The following CNTNAP2 variants were observed in gnomAD, a reference collection of about 807,000 sequenced individuals.
CNTNAP2 encodes the protein contactin-associated protein-like 2.
In CNTNAP2, 98 loss-of-function variants were observed where a neutral mutation model predicts 155.2. That is an observed-to-expected ratio of 0.63 (90% confidence interval 0.54 to 0.75). The LOEUF (loss-of-function observed/expected upper bound fraction) is 0.75, where lower values mean the gene tolerates loss of function less well. Ranked by LOEUF, CNTNAP2 falls within the 30% of genes least tolerant of loss-of-function variation. The pLI is 0.00. For missense variants in CNTNAP2, 1,727 were observed against 1,688.1 expected (o/e 1.02, Z -0.40); for synonymous variants, 651 against 631.2 (o/e 1.03, Z -0.47).
At chr7:146,929,729 C>T (rs528682288) in intron 3 of CNTNAP2, among the ~76,000 whole-genome samples, 14 of 152,060 alleles carry the variant, frequency 9.2e-5, no homozygotes, top group African/African-American at 3.1e-4. Context: ...ATAACCAATA[C>T]AGAGAAGTGC....
At chr7:146,771,527 T>C (rs528774630) in intron 1 of CNTNAP2, among the ~76,000 whole-genome samples, 1 of 152,228 alleles carries the variant, frequency 6.6e-6, no homozygotes, top group Non-Finnish European at 1.5e-5. Flanking sequence ...CTTTAGATGA[T>C]AGCTTTGTGA....
intron 21 of CNTNAP2, among the ~76,000 whole-genome samples, chr7:148,275,818 A>G (rs1796860978): frequency 6.6e-6 from 1 of 152,184 alleles, no homozygotes. Flanking sequence ...GCTATTGACC[A>G]AAATCTGGGT....
At chr7:147,073,696 G>A (rs996396499) in intron 4 of CNTNAP2, among the ~76,000 whole-genome samples, 3 of 152,188 alleles carry the variant, frequency 2.0e-5, no homozygotes, top group Non-Finnish European at 4.4e-5. Context: ...GATGTGACAA[G>A]AAAGCATGCC....
chr7:148,150,208 C>T (rs1805271152), intron 17 of CNTNAP2, among the ~76,000 whole-genome samples: 1 of 149,986 alleles, frequency 6.7e-6, no homozygotes, highest in African/African-American at 2.4e-5. Flanking sequence ...TTCAGGAGTT[C>T]AAGACCATCC....
chr7:148,327,960 G>T (rs1797921232), intron 21 of CNTNAP2, among the ~76,000 whole-genome samples: 1 of 152,052 alleles, frequency 6.6e-6, no homozygotes, highest in East Asian at 1.9e-4. Flanking sequence ...TGAGGACACT[G>T]GTTTCTGTTT....
chr7:146,199,848 G>T (rs2116865038), intron 1 of CNTNAP2, among the ~76,000 whole-genome samples: 1 of 152,202 alleles, frequency 6.6e-6, no homozygotes, highest in Non-Finnish European at 1.5e-5. Flanking sequence ...TTTTCTTAAA[G>T]ATCATGAGCT....
chr7:146,875,159 G>A (rs1585133094), intron 3 of CNTNAP2, among the ~76,000 whole-genome samples: 1 of 152,270 alleles, frequency 6.6e-6, no homozygotes, highest in Non-Finnish European at 1.5e-5. Flanking sequence ...AGGCAGAAAA[G>A]GATGATTTAA....
chr7:147,506,990 C>T (rs1442554206), intron 11 of CNTNAP2, among the ~76,000 whole-genome samples: 2 of 152,062 alleles, frequency 1.3e-5, no homozygotes, highest in African/African-American at 4.8e-5. Flanking sequence ...TTGTATTTAC[C>T]TTGTAAGTTG....
intron 8 of CNTNAP2, among the ~76,000 whole-genome samples, chr7:147,171,911 G>A (rs535292963): frequency 6.6e-6 from 1 of 151,750 alleles, no homozygotes; most frequent in South Asian, 2.1e-4. Context: ...TGAAAAAAAC[G>A]AGAATACCTG....
chr7:147,784,403 T>G (rs1797702701), intron 13 of CNTNAP2, among the ~76,000 whole-genome samples: 1 of 128,838 alleles, frequency 7.8e-6, no homozygotes, highest in African/African-American at 3.0e-5. Context: ...TATATATATA[T>G]ATATGTAACA....
At chr7:146,464,666 AC>A (rs1796690312) in intron 1 of CNTNAP2, among the ~76,000 whole-genome samples, 1 of 152,036 alleles carries the variant, frequency 6.6e-6, no homozygotes, top group Admixed American at 6.6e-5. Context: ...CATTTTTAAT[AC>A]TGAACACGTT....
chr7:147,114,459 A>T (rs1394127995), intron 5 of CNTNAP2, among the ~76,000 whole-genome samples: 1 of 152,112 alleles, frequency 6.6e-6, no homozygotes, highest in Admixed American at 6.6e-5. Flanking sequence ...CTCTTTGAAG[A>T]TCTCTAAGAA....
chr7:146,899,489 T>G (rs549584740), intron 3 of CNTNAP2, among the ~76,000 whole-genome samples: 1 of 134,812 alleles, frequency 7.4e-6, no homozygotes, highest in Non-Finnish European at 1.7e-5. Flanking sequence ...TCTTTCACTT[T>G]CCCTGCATGC....
At chr7:146,251,075 GT>G (rs1354321106) in intron 1 of CNTNAP2, among the ~76,000 whole-genome samples, 1 of 152,098 alleles carries the variant, frequency 6.6e-6, no homozygotes, top group Non-Finnish European at 1.5e-5. Context: ...AAATAAGAGG[GT>G]GATAGAAATC....
intron 1 of CNTNAP2, among the ~76,000 whole-genome samples, chr7:146,602,689 A>C (rs1798969725): frequency 6.6e-6 from 1 of 152,192 alleles, no homozygotes; most frequent in Non-Finnish European, 1.5e-5. Flanking sequence ...ATAGTGATTT[A>C]TTTCAGAGGG....
At position 148,147,617 on chromosome 7, in the gene CNTNAP2, C is replaced by T; in HGVS notation, c.2681C>T (p.Ala894Val). 6.2e-7 allele frequency: 1 copy of T among 1,614,114 alleles called. No individual in the cohort carries two copies. The highest frequency in any genetic ancestry group is 8.5e-7 in the Non-Finnish European group (1 of 1,180,018). The change falls in exon 17 of 24, where the codon GCC (alanine) becomes GTC (valine). Residue 894 changes from alanine (A) to valine (V), a missense_variant. By Grantham distance (64) the Ala-to-Val change is moderately conservative (BLOSUM62 0). Transcript: ENST00000361727. Reference protein sequence around the residue: ...RVTAERNVKQASLQVDRLPQQ... With the variant: ...RVTAERNVKQVSLQVDRLPQQ... ...ACTGCAGAGAGGAATGTCAAGCAGG[C>T]CAGCCTACAGGTGGACCGGCTACCG...
At chr7:146,395,822 TAGAGGAG>T (rs1795615881) in intron 1 of CNTNAP2, among the ~76,000 whole-genome samples, 1 of 128,478 alleles carries the variant, frequency 7.8e-6, no homozygotes, top group Non-Finnish European at 1.6e-5. Flanking sequence ...GATAGATAGA[TAGAGGAG>T]AGAGAGAGAG....
At chr7:148,414,932 G>C (rs1799942648) in intron 23 of CNTNAP2, 1 of 209,282 alleles carries the variant, frequency 4.8e-6, no homozygotes, top group African/African-American at 2.3e-5. Flanking sequence ...AATTCAGAGA[G>C]ACTTATGTGC....
At chr7:147,545,399 AT>A (rs764046497) in intron 11 of CNTNAP2, among the ~76,000 whole-genome samples, 43 of 152,328 alleles carry the variant, frequency 2.8e-4, no homozygotes, top group Non-Finnish European at 5.0e-4. Context: ...TAGAAAAAAA[AT>A]GTAAGCCAAC....
Sources: gnomAD v4.1 joint callset for allele counts (sites outside exome capture counted in the v4.1 genomes callset) on GRCh38, gnomAD v4.1.1 for gene constraint, MANE v1.5 for transcripts, NCBI Gene and HGNC (gene_info 2026-07-23, HGNC 2026-07-21) for gene names.